The following TAF7L variants were observed in gnomAD, a reference collection of about 807,000 sequenced individuals.
TAF7L encodes the protein transcription initiation factor TFIID subunit 7-like.
A neutral mutation model predicts 30.2 loss-of-function variants in TAF7L; 6 were observed. The observed-to-expected ratio is 0.20, with a 90% CI of 0.11 to 0.39. TAF7L has a LOEUF of 0.39. Ranked by LOEUF, TAF7L falls within the 10% of genes least tolerant of loss-of-function variation. TAF7L has a pLI of 1.00. For synonymous variants in TAF7L, 93 were observed against 94.5 expected (o/e 0.98, Z 0.09); for missense variants, 284 against 277.1 (o/e 1.03, Z -0.18).
chrX:101,292,862 C>A (rs1223130834), upstream of TAF7L: 2 of 1,211,594 alleles, frequency 1.7e-6, no homozygotes. Context: ...GTTTGAGTGT[C>A]CTCGTCGGCA....
At chrX:101,278,249 A>G (rs763267868) in intron 7 of TAF7L, 128 bp from the exon 8 acceptor site, 1 of 480,694 alleles carries the variant, frequency 2.1e-6, no homozygotes, top group East Asian at 3.7e-5. Context: ...GATCCAACCA[A>G]ATTTCTACTT....
intron 12 of TAF7L, among the ~76,000 whole-genome samples, chrX:101,273,572 G>A (rs1924053139): frequency 9.1e-6 from 1 of 109,480 alleles, no homozygotes; most frequent in Non-Finnish European, 1.9e-5. Context: ...CTGGGCGACA[G>A]AGCAAGACTC....
chrX:101,268,851 G>C lies in TAF7L; in HGVS notation c.*342C>G, dbSNP rs1043943854. The C allele has an allele frequency of 5.9e-6, 1 of 168,336 alleles. No homozygotes were observed. Among genetic ancestry groups the C allele is most frequent in the Admixed American group, 7.6e-5 (1 of 13,211 alleles). 13.9% of individuals were successfully genotyped at this position (168,336 alleles called of 1,213,427 possible). ...GTGGTGGTGCACAACTGTAGTCCCA[G>C]CTACTCAGGAGGCTGAGGCGGAAGG... is the stretch of plus-strand genomic sequence containing the variant. On this transcript the variant is annotated 3_prime_UTR_variant, in exon 13 of 13. Transcript: ENST00000356784.
rs1777571750 is a variant in TAF7L at position 101,269,162 on chromosome X, C to T, written c.*31G>A. 1 of 1,194,714 alleles carries T rather than the reference C, an allele frequency of 8.4e-7. No individual in the cohort carries two copies. Among genetic ancestry groups the T allele is most frequent in the African/African-American group, 1.8e-5 (1 of 56,912 alleles). On this transcript the variant is annotated 3_prime_UTR_variant, in exon 13 of 13. Coordinates refer to ENST00000356784, the MANE Select transcript of TAF7L (RefSeq NM_001168474.2). ...CAATCTGCAGTCTGGATGGTGAATCCAAGGTTTGTGGGCCACGCCAATGGC... is the reference window on the plus strand; with the variant it reads ...CAATCTGCAGTCTGGATGGTGAATCTAAGGTTTGTGGGCCACGCCAATGGC...
In TAF7L at chrX:101,278,102, A is replaced by G. The variant is rs749028914; in HGVS notation, c.524T>C (p.Val175Ala). 2 of 1,208,838 alleles carry G rather than the reference A, an allele frequency of 1.7e-6. No individual in the cohort carries two copies. The highest frequency in any genetic ancestry group is 2.2e-6 in the Non-Finnish European group (2 of 894,361). The change falls in exon 8 of 13, where the codon GTG becomes GCG. Residue 175 changes from valine (V) to alanine (A), a missense_variant. By Grantham distance (64) the Val-to-Ala change is moderately conservative. Coordinates refer to ENST00000356784, the MANE Select transcript of TAF7L (RefSeq NM_001168474.2). ...CAGCAGTCTCTTTACTTCATTTTCC[A>G]CGTCTGGAGATTCAATGTACTGAAG... ...SFTEYIESPD[V>A]ENEVKRLLRS...
chrX:101,286,771 C>T (rs1924620078), intron 2 of TAF7L, 118 bp from the exon 3 acceptor site: 1 of 487,108 alleles, frequency 2.1e-6, no homozygotes, highest in Non-Finnish European at 3.4e-6. Context: ...CCAAATGTTA[C>T]TAACAAGACC....
In TAF7L at chrX:101,278,106, C is replaced by G. The variant is rs1378827123; in HGVS notation, c.520G>C (p.Asp174His). Residue 174 changes from aspartate (D) to histidine (H), a missense_variant, in exon 8 of 13, where the codon GAC becomes CAC. Asp to His is a moderately conservative substitution (Grantham distance 81). Transcript: ENST00000356784. Reference protein sequence around the residue: ...SSFTEYIESPDVENEVKRLLR... With the variant: ...SSFTEYIESPHVENEVKRLLR... Reference sequence around the variant, plus strand: ...AGTCTCTTTACTTCATTTTCCACGTCTGGAGATTCAATGTACTGAAGCAAA... The same window carrying G: ...AGTCTCTTTACTTCATTTTCCACGTGTGGAGATTCAATGTACTGAAGCAAA... 3 of 1,210,747 alleles carry G rather than the reference C, an allele frequency of 2.5e-6. No individual in the cohort carries two copies. The highest frequency in any genetic ancestry group is 3.4e-6 in the Non-Finnish European group (3 of 894,576).
rs1050944754 is a variant in TAF7L at position 101,273,680 on chromosome X, T to C, written c.1086+1542A>G. Reference sequence around the variant, plus strand: ...CTTAAGGCCAAACCCATCCTCCTTATCATGGCCTTCAAGGAACCATACACT... The same window carrying C: ...CTTAAGGCCAAACCCATCCTCCTTACCATGGCCTTCAAGGAACCATACACT... On this transcript the variant is annotated intron_variant, in intron 12 of 12. Coordinates refer to ENST00000356784, the MANE Select transcript of TAF7L (RefSeq NM_001168474.2). Among the ~76,000 whole-genome samples the C allele has an allele frequency of 6.2e-5, 7 of 112,277 alleles. 2 individuals carry two copies.
At chrX:101,281,311 CAAAAG>C (rs1410485225) in intron 6 of TAF7L, among the ~76,000 whole-genome samples, 4 of 111,701 alleles carry the variant, frequency 3.6e-5, no homozygotes, top group African/African-American at 1.3e-4. Context: ...TAATTTTAAA[CAAAAG>C]AAGAAGCCAA....
intron 12 of TAF7L, among the ~76,000 whole-genome samples, chrX:101,272,021 G>A (rs1923980002): frequency 9.0e-6 from 1 of 111,162 alleles, no homozygotes; most frequent in African/African-American, 3.3e-5. Flanking sequence ...GGGGTGGGGA[G>A]TAGTGCCTGT....
chrX:101,280,385 C>T (rs533709790), intron 6 of TAF7L, among the ~76,000 whole-genome samples: 2 of 111,979 alleles, frequency 1.8e-5, no homozygotes, highest in Admixed American at 1.9e-4. Flanking sequence ...ACATGAGATG[C>T]TCAACCCCGT....
intron 1 of TAF7L, among the ~76,000 whole-genome samples, chrX:101,289,147 A>AT (rs1924714039): frequency 8.9e-6 from 1 of 111,892 alleles, no homozygotes; most frequent in Non-Finnish European, 1.9e-5. Context: ...AGAATATGTG[A>AT]TTTTTGTCTT....
In TAF7L at chrX:101,268,487, CAA is replaced by C. The variant is rs1923863967; in HGVS notation, c.*704_*705del. Reference sequence around the variant, plus strand: ...AACTGTTCCCTTAGTTGGTGAATAACAACCAGCTCCATCCTAAAAACAACAGA... The same window carrying C: ...AACTGTTCCCTTAGTTGGTGAATAACCCAGCTCCATCCTAAAAACAACAGA... On this transcript the variant is annotated 3_prime_UTR_variant, in exon 13 of 13. Coordinates refer to ENST00000356784, the MANE Select transcript of TAF7L (RefSeq NM_001168474.2). 1 of 111,588 alleles carries C rather than the reference CAA, an allele frequency of 9.0e-6. No individual in the cohort carries two copies. The highest frequency in any genetic ancestry group is 1.9e-5 in the Non-Finnish European group (1 of 53,197). 9.2% of individuals were successfully genotyped at this position (111,588 alleles called of 1,213,427 possible).
chrX:101,286,793 G>C, intron 2 of TAF7L, 140 bp from the exon 3 acceptor site: 1 of 444,261 alleles, frequency 2.3e-6, no homozygotes, highest in East Asian at 3.8e-5. Context: ...TGTACCATGA[G>C]ATACTGTGCA....
chrX:101,282,425 A>G lies in TAF7L; in HGVS notation c.308T>C (p.Ile103Thr), dbSNP rs921936685. The change falls in exon 5 of 13, where the codon ATC becomes ACC. Residue 103 changes from isoleucine to threonine, a missense_variant. By Grantham distance (89) the Ile-to-Thr change is moderately conservative. Transcript: ENST00000356784. Reference protein sequence around the residue: ...QMLVCTADGDIHLSPEEPAAS... With the variant: ...QMLVCTADGDTHLSPEEPAAS... ...AGCTGGTTCTTCTGGAGAAAGGTGG[A>G]TATCACCATCAGCAGTGCACACAAG... The G allele has an allele frequency of 8.3e-7, 1 of 1,211,275 alleles. No individual in the cohort carries two copies.
In TAF7L at chrX:101,291,316, G is replaced by A. The variant is rs2147388711; in HGVS notation, c.-95C>T. On this transcript the variant is annotated 5_prime_UTR_variant, in exon 1 of 13. Coordinates refer to ENST00000356784, the MANE Select transcript of TAF7L (RefSeq NM_001168474.2). ...GGACGAACCGCGCGTGGGCTCCCGC[G>A]CGGAACGTAGAGGCGAACGCTGGGC... 4.0e-6 allele frequency: 3 copies of A among 752,229 alleles called. No homozygotes were observed. The highest frequency in any genetic ancestry group is 1.4e-4 in the South Asian group (2 of 14,713). The allele number at this position is 752,229 out of a possible 1,213,427, so 62.0% of individuals were successfully genotyped here.
chrX:101,289,052 G>A (rs1355416595), intron 1 of TAF7L, among the ~76,000 whole-genome samples: 2 of 111,443 alleles, frequency 1.8e-5, no homozygotes, highest in African/African-American at 6.5e-5. Context: ...TCTCCTCAAT[G>A]CCCCTCCCGC....
intron 7 of TAF7L, 79 bp from the exon 8 acceptor site, chrX:101,278,200 C>G (rs1042026809): frequency 1.7e-5 from 13 of 746,795 alleles, no homozygotes; most frequent in Non-Finnish European, 2.7e-5. Flanking sequence ...TGCCCTCCTA[C>G]GTACCAACGA....
upstream of TAF7L, among the ~76,000 whole-genome samples, chrX:101,292,452 A>G (rs1924859428): frequency 9.9e-6 from 1 of 101,449 alleles, no homozygotes; most frequent in Non-Finnish European, 2.0e-5. Flanking sequence ...AAAAAAAAAA[A>G]AAAAAAAAGC....
Sources: allele counts gnomAD v4.1 joint callset (sites outside exome capture counted in the v4.1 genomes callset), GRCh38; gene constraint gnomAD v4.1.1; transcripts MANE v1.5; gene names NCBI Gene and HGNC (gene_info 2026-07-23, HGNC 2026-07-21).